The following HECW1 variants were observed in gnomAD, a reference collection of about 807,000 sequenced individuals.
HECW1 encodes HECT, C2 and WW domain containing E3 ubiquitin protein ligase 1.
HECW1 carries 61 observed loss-of-function variants against 182.3 expected under a neutral mutation model. The observed-to-expected ratio is 0.33, with a 90% CI of 0.27 to 0.41. HECW1 has a LOEUF of 0.41. Among genes scored for constraint, HECW1 ranks in the 10% least tolerant of loss-of-function variants. The pLI, the probability that HECW1 is intolerant of heterozygous loss-of-function variation, is 1.00. For synonymous variants in HECW1, 859 were observed against 832.6 expected (o/e 1.03, Z -0.55); for missense variants, 1,739 against 2,108.9 (o/e 0.82, Z 3.44).
intron 24 of HECW1, chr7:43,509,843 T>C (rs1378094135): frequency 6.6e-6 from 1 of 152,298 alleles, no homozygotes; most frequent in East Asian, 1.9e-4. Context: ...GTCCTGGAGA[T>C]GGCTAATGTG....
chr7:43,175,848 C>T (rs937137772), intron 2 of HECW1, among the ~76,000 whole-genome samples: 5 of 152,122 alleles, frequency 3.3e-5, no homozygotes, highest in African/African-American at 7.2e-5. Flanking sequence ...TTCTCACAGG[C>T]GCACCTCATT....
intron 3 of HECW1, among the ~76,000 whole-genome samples, chr7:43,256,017 A>G (rs1226500549): frequency 1.3e-5 from 2 of 152,192 alleles, no homozygotes; most frequent in Non-Finnish European, 2.9e-5. Flanking sequence ...AAACAAGCTA[A>G]AGTTTGTCAT....
chr7:43,164,564 C>G (rs1039064626), intron 2 of HECW1, among the ~76,000 whole-genome samples: 7 of 152,220 alleles, frequency 4.6e-5, no homozygotes, highest in Non-Finnish European at 1.0e-4. Context: ...TGGGAAGACA[C>G]ACCCCTCCCT....
At chr7:43,495,688 A>G (rs957070734) in intron 19 of HECW1, among the ~76,000 whole-genome samples, 1 of 152,032 alleles carries the variant, frequency 6.6e-6, no homozygotes, top group Admixed American at 6.6e-5. Context: ...TTTATGTTCA[A>G]CTCTTAAGAA....
chr7:43,201,206 C>T (rs1249577504), intron 2 of HECW1, among the ~76,000 whole-genome samples: 1 of 152,196 alleles, frequency 6.6e-6, no homozygotes, highest in African/African-American at 2.4e-5. Context: ...CAAGTCCCTC[C>T]TGCTCTCTGG....
At chr7:43,483,476 A>T (rs1285384274) in intron 17 of HECW1, among the ~76,000 whole-genome samples, 1 of 151,796 alleles carries the variant, frequency 6.6e-6, no homozygotes, top group Non-Finnish European at 1.5e-5. Context: ...AAACTGAAAT[A>T]CCAAGAGCTC....
intron 2 of HECW1, among the ~76,000 whole-genome samples, chr7:43,124,147 G>A (rs138820151): frequency 1.0e-3 from 159 of 152,208 alleles, no homozygotes; most frequent in African/African-American, 3.5e-3. Flanking sequence ...TGTAATCGAC[G>A]CACTATTTTT....
At chr7:43,237,371 G>A (rs1798472942) in intron 2 of HECW1, among the ~76,000 whole-genome samples, 1 of 152,160 alleles carries the variant, frequency 6.6e-6, no homozygotes, top group South Asian at 2.1e-4. Context: ...TGTGTGTTCA[G>A]CTCATCTGTT....
intron 2 of HECW1, among the ~76,000 whole-genome samples, chr7:43,229,150 G>A (rs771223334): frequency 1.1e-4 from 16 of 152,280 alleles, no homozygotes; most frequent in Admixed American, 7.8e-4. Flanking sequence ...AATTAGATAC[G>A]TTTCCGGTGT....
chr7:43,234,325 C>T (rs1191389337), intron 2 of HECW1, among the ~76,000 whole-genome samples: 2 of 152,212 alleles, frequency 1.3e-5, no homozygotes, highest in African/African-American at 4.8e-5. Flanking sequence ...TGTCGCTTCC[C>T]CACTCAGGGC....
At chr7:43,561,073 C>A (rs2082192597) in intron 29 of HECW1, among the ~76,000 whole-genome samples, 1 of 152,240 alleles carries the variant, frequency 6.6e-6, no homozygotes, top group African/African-American at 2.4e-5. Context: ...GTGTGCTGGG[C>A]TTCTTGTACC....
Position 43,500,747 on chromosome 7 carries a change from G to A in HECW1, c.3486G>A (p.Lys1162=). 1 of 1,613,912 alleles carries A rather than the reference G, an allele frequency of 6.2e-7. No individual in the cohort carries two copies. Among genetic ancestry groups the A allele is most frequent in the South Asian group, 1.1e-5 (1 of 91,074 alleles). The change falls in exon 20 of 30, where the codon AAG becomes AAA. Residue 1162 remains lysine, a synonymous_variant. Transcript: ENST00000395891. ...IRTEGNHGLE[K]LSCDADLVIL... ...CTGAGGGTAATCACGGGCTTGAGAA[G>A]TTGTCCTGTGATGCGGATCTGGTCA... is the stretch of plus-strand genomic sequence containing the variant.
chr7:43,314,529 A>T (rs1808941127), intron 4 of HECW1, among the ~76,000 whole-genome samples: 4 of 148,272 alleles, frequency 2.7e-5, no homozygotes, highest in Admixed American at 2.7e-4. Context: ...GTAGTAGAGG[A>T]GGGGGTGGGT....
chr7:43,211,661 C>A (rs1375220852), intron 2 of HECW1, among the ~76,000 whole-genome samples: 1 of 152,130 alleles, frequency 6.6e-6, no homozygotes, highest in African/African-American at 2.4e-5. Context: ...TCATAATAAC[C>A]CTTCACAAAA....
At chr7:43,351,117 G>A (rs994687961) in intron 5 of HECW1, among the ~76,000 whole-genome samples, 3 of 152,176 alleles carry the variant, frequency 2.0e-5, no homozygotes, top group East Asian at 3.8e-4. Flanking sequence ...GAGCCAAACT[G>A]CAGTGATTGT....
chr7:43,490,481 A>C (rs6957651), intron 17 of HECW1, among the ~76,000 whole-genome samples: 9,616 of 152,256 alleles, frequency 0.063, 474 homozygotes, highest in African/African-American at 0.13. Context: ...GCATACTTTG[A>C]CAAATATCAT....
intron 8 of HECW1, among the ~76,000 whole-genome samples, chr7:43,425,003 T>G (rs1646127402): frequency 6.6e-6 from 1 of 152,184 alleles, no homozygotes; most frequent in African/African-American, 2.4e-5. Flanking sequence ...TAACTTAGTG[T>G]GTTTTTGAGA....
At position 43,444,441 on chromosome 7, in the gene HECW1, G is replaced by C; in HGVS notation, c.1269G>C (p.Thr423=). 6.2e-7 allele frequency: 1 copy of C among 1,613,846 alleles called. No individual in the cohort carries two copies. The highest frequency in any genetic ancestry group is 8.5e-7 in the Non-Finnish European group (1 of 1,179,900). Residue 423 remains threonine (T), a synonymous_variant, in exon 11 of 30, where the codon ACG becomes ACC. Transcript: ENST00000395891. The surrounding 1 kb of genome is among the most constrained non-coding windows in gnomAD (Gnocchi z 4.3). ...CAGCTGAGGAAGCAGCAGTCATCAC[G>C]GAGGCAGGAGACCAGGGCATGGTCT... ...SRPAEEAAVI[T]EAGDQGMVSV... is the part of the protein sequence containing the mutation.
chr7:43,210,844 C>T (rs535726866), intron 2 of HECW1, among the ~76,000 whole-genome samples: 2 of 152,302 alleles, frequency 1.3e-5, no homozygotes, highest in East Asian at 1.9e-4. Context: ...TCTGCAATGG[C>T]GGTAAATATC....
Sources: allele counts gnomAD v4.1 joint callset (sites outside exome capture counted in the v4.1 genomes callset), GRCh38; gene constraint gnomAD v4.1.1; non-coding constraint Gnocchi (gnomAD v3.1); transcripts MANE v1.5; gene names NCBI Gene and HGNC (gene_info 2026-07-23, HGNC 2026-07-21).